The following NLK variants were observed in gnomAD, a reference collection of about 807,000 sequenced individuals.
NLK encodes nemo like kinase.
In NLK, 11 loss-of-function variants were observed where a neutral mutation model predicts 59.0. The ratio of observed to expected loss-of-function variants is 0.19; its 90% CI spans 0.12 to 0.31. The LOEUF is 0.31. NLK is among the 10% of genes least tolerant of loss of function. The pLI, the probability that NLK is intolerant of heterozygous loss-of-function variation, is 1.00. For missense variants in NLK, 410 were observed against 661.1 expected, an observed-to-expected ratio of 0.62 and a Z score of 4.16; for synonymous variants, 235 against 235.9, an observed-to-expected ratio of 1.00 and a Z score of 0.03.
intron 1 of NLK, among the ~76,000 whole-genome samples, chr17:28,077,338 A>T (rs1174975674): frequency 6.6e-6 from 1 of 152,212 alleles, no homozygotes. Flanking sequence ...AATGAGGAAG[A>T]TAAAAAAGCA....
intron 1 of NLK, among the ~76,000 whole-genome samples, chr17:28,100,728 T>C (rs1292789664): frequency 1.3e-5 from 2 of 152,188 alleles, no homozygotes; most frequent in East Asian, 3.8e-4. Flanking sequence ...ATTTCATCTA[T>C]TTTTTTACTT....
At chr17:28,157,876 A>AG (rs113787900) in intron 3 of NLK, among the ~76,000 whole-genome samples, 6,147 of 152,280 alleles carry the variant, frequency 0.04, 374 homozygotes, top group African/African-American at 0.14. Flanking sequence ...TAGAGTACCT[A>AG]TACCTAGCAG....
At chr17:28,161,507 G>A (rs1229064626) in intron 4 of NLK, among the ~76,000 whole-genome samples, 1 of 152,240 alleles carries the variant, frequency 6.6e-6, no homozygotes, top group African/African-American at 2.4e-5. Context: ...TTAGGCAGTT[G>A]AGTGGGCTAA....
intron 1 of NLK, among the ~76,000 whole-genome samples, chr17:28,093,886 C>T (rs1304124894): frequency 6.6e-6 from 1 of 152,094 alleles, no homozygotes; most frequent in African/African-American, 2.4e-5. Context: ...AATTAATGAA[C>T]ATTGTGTCAG....
downstream of NLK, among the ~76,000 whole-genome samples, chr17:28,199,215 G>A (rs1024753265): frequency 2.0e-5 from 3 of 152,188 alleles, no homozygotes; most frequent in African/African-American, 2.4e-5. Context: ...AAATACTGGC[G>A]AGGATGTGAA....
At chr17:28,091,863 T>C (rs911481478) in intron 1 of NLK, among the ~76,000 whole-genome samples, 1 of 152,362 alleles carries the variant, frequency 6.6e-6, no homozygotes, top group African/African-American at 2.4e-5. Flanking sequence ...TCCTTTTTAT[T>C]AATGCACTTA....
chr17:28,080,318 G>A (rs758444474), intron 1 of NLK, among the ~76,000 whole-genome samples: 5 of 152,004 alleles, frequency 3.3e-5, no homozygotes, highest in Admixed American at 3.3e-4. Context: ...AGTGGCTCAT[G>A]CCTGTAATTC....
chr17:28,052,581 A>G (rs1909295306), intron 1 of NLK, among the ~76,000 whole-genome samples: 2 of 152,216 alleles, frequency 1.3e-5, no homozygotes, highest in Admixed American at 1.3e-4. Flanking sequence ...CAGCAGTGCT[A>G]TCCAGTAAAT....
intron 1 of NLK, chr17:28,048,003 G>A (rs1003150346): frequency 3.5e-5 from 14 of 398,270 alleles, no homozygotes; most frequent in Non-Finnish European, 6.2e-5. Flanking sequence ...TCTGCTTTGT[G>A]AAAAGAGCTT....
At chr17:28,078,767 A>G (rs1487618370) in intron 1 of NLK, among the ~76,000 whole-genome samples, 2 of 152,170 alleles carry the variant, frequency 1.3e-5, no homozygotes, top group East Asian at 1.9e-4. Context: ...ACCATGGTTT[A>G]TAGCACCCAT....
At chr17:28,061,830 A>G (rs1002635560) in intron 1 of NLK, 3 of 146,016 alleles carry the variant, frequency 2.1e-5, no homozygotes, top group African/African-American at 7.5e-5. Context: ...ATATACATAT[A>G]TACATATACA....
chr17:28,128,629 T>A (rs1431330016), intron 2 of NLK, among the ~76,000 whole-genome samples: 1 of 152,162 alleles, frequency 6.6e-6, no homozygotes, highest in African/African-American at 2.4e-5. Context: ...CCCAACAGAT[T>A]GGCTGAAATT....
In NLK at chr17:28,132,625, C is replaced by T; in HGVS notation, c.594C>T (p.Leu198=). ...TTTTTTTTTCCTTTTCTCAGGTACT[C>T]TCTGCCCTTGACATACTCCAACCTC... ...MLCFFKHDNV[L]SALDILQPPH... The change falls in exon 3 of 11, where the codon CTC becomes CTT. Residue 198 remains leucine (L), a synonymous_variant. Transcript: ENST00000407008. The T allele has an allele frequency of 1.9e-6, 3 of 1,608,476 alleles. No individual in the cohort carries two copies. The highest frequency in any genetic ancestry group is 2.5e-6 in the Non-Finnish European group (3 of 1,176,986).
At chr17:28,148,341 G>T (rs768874883) in intron 3 of NLK, among the ~76,000 whole-genome samples, 1 of 151,210 alleles carries the variant, frequency 6.6e-6, no homozygotes, top group East Asian at 1.9e-4. Context: ...TAACTTTTTA[G>T]TTCTCATGCA....
At chr17:28,194,485 A>G (rs1909415779) in intron 10 of NLK, 97 bp from the exon 11 acceptor site, 2 of 824,864 alleles carry the variant, frequency 2.4e-6, no homozygotes, top group South Asian at 2.2e-5. Context: ...AGTGGAATTA[A>G]TTTTTTCAGA....
intron 1 of NLK, among the ~76,000 whole-genome samples, chr17:28,081,163 T>A (rs753667934): frequency 6.6e-6 from 1 of 151,920 alleles, no homozygotes; most frequent in Non-Finnish European, 1.5e-5. Flanking sequence ...GTGCTCAGAT[T>A]AGAGGCATGG....
the NLK span, among the ~76,000 whole-genome samples, chr17:28,205,822 A>G: frequency 6.6e-6 from 1 of 152,154 alleles, no homozygotes; most frequent in African/African-American, 2.4e-5. Context: ...AATGCCTCCT[A>G]GGTTCATCCA....
chr17:28,045,493 A>C (rs997606600), intron 1 of NLK, among the ~76,000 whole-genome samples: 7 of 152,108 alleles, frequency 4.6e-5, no homozygotes, highest in Non-Finnish European at 1.0e-4. Context: ...CTCCTGTGTT[A>C]TCACGTGATT....
chr17:28,055,630 C>T (rs1342357960), intron 1 of NLK, among the ~76,000 whole-genome samples: 1 of 152,104 alleles, frequency 6.6e-6, no homozygotes, highest in Non-Finnish European at 1.5e-5. Context: ...TAGACATGAG[C>T]CACTGTGTCT....
Sources: gnomAD v4.1 joint callset for allele counts (sites outside exome capture counted in the v4.1 genomes callset) on GRCh38, gnomAD v4.1.1 for gene constraint, MANE v1.5 for transcripts, NCBI Gene and HGNC (gene_info 2026-07-23, HGNC 2026-07-21) for gene names.